Variants in RBFOX1 observed in about 807,000 individuals in gnomAD.
RBFOX1 encodes the protein RNA binding protein fox-1 homolog 1.
RBFOX1 carries 8 observed loss-of-function variants against 57.7 expected under a neutral mutation model. The ratio of observed to expected loss-of-function variants is 0.14; its 90% CI spans 0.08 to 0.25. The LOEUF (loss-of-function observed/expected upper bound fraction) is 0.25. Among genes scored for constraint, RBFOX1 ranks in the 10% least tolerant of loss-of-function variants. The probability of loss-of-function intolerance (pLI) is 1.00; values close to 1 mark genes in which losing one functional copy is unlikely to be tolerated. For missense variants in RBFOX1, 611 were observed against 548.5 expected (o/e 1.11, Z -1.14); for synonymous variants, 326 against 222.4 (o/e 1.47, Z -4.15).
In RBFOX1 at chr16:6,644,334, T is replaced by C. The variant is rs577579881; in HGVS notation, c.-63-10269T>C. 6.6e-5 allele frequency among the ~76,000 whole-genome samples: 10 copies of C among 152,370 alleles called. No homozygotes were observed. In the South Asian group the frequency reaches 1.4e-3, roughly 22 times the overall value. On this transcript the variant is annotated intron_variant, in intron 2 of 15. Coordinates refer to ENST00000550418, the MANE Select transcript of RBFOX1 (RefSeq NM_018723.4). ...GTCAAGATTTAAAATGCACCTTGAA[T>C]GCTTTTTGGAGTGTGATGTCAAAAA...
At chr16:6,528,964 A>T (rs1214649890) in intron 2 of RBFOX1, among the ~76,000 whole-genome samples, 1 of 152,140 alleles carries the variant, frequency 6.6e-6, no homozygotes, top group Non-Finnish European at 1.5e-5. Flanking sequence ...AACATTATCA[A>T]TTTCTATTTC....
intron 14 of RBFOX1, among the ~76,000 whole-genome samples, chr16:7,697,765 C>T (rs765129938): frequency 1.3e-5 from 2 of 152,136 alleles, no homozygotes; most frequent in Non-Finnish European, 2.9e-5. Flanking sequence ...CCTTCTCACT[C>T]CAGATGGAAT....
At chr16:6,595,467 A>C (rs575503475) in intron 2 of RBFOX1, among the ~76,000 whole-genome samples, 60 of 152,330 alleles carry the variant, frequency 3.9e-4, no homozygotes, top group African/African-American at 1.4e-3. Flanking sequence ...TGGTTGTCAA[A>C]CATTTGGATT....
chr16:6,187,167 A>C (rs941808643), intron 1 of RBFOX1, among the ~76,000 whole-genome samples: 1 of 152,120 alleles, frequency 6.6e-6, no homozygotes. Flanking sequence ...CCTATCATAC[A>C]AAGCCCTGAT....
intron 3 of RBFOX1, among the ~76,000 whole-genome samples, chr16:7,038,698 T>G (rs189378856): frequency 1.7e-4 from 26 of 152,204 alleles, no homozygotes; most frequent in Non-Finnish European, 3.4e-4. Context: ...AAAGCAGATG[T>G]GGGAGGCCGA....
chr16:5,909,331 A>G (rs2058555594), intron 4 of RBFOX1, among the ~76,000 whole-genome samples: 1 of 152,066 alleles, frequency 6.6e-6, no homozygotes, highest in Non-Finnish European at 1.5e-5. Flanking sequence ...GGACCTCATC[A>G]TCCGCATGCC....
At chr16:6,722,559 G>A (rs1315553650) in intron 3 of RBFOX1, among the ~76,000 whole-genome samples, 1 of 152,094 alleles carries the variant, frequency 6.6e-6, no homozygotes, top group Non-Finnish European at 1.5e-5. Flanking sequence ...TACCATGTTT[G>A]TGTGATATTA....
intron 1 of RBFOX1, among the ~76,000 whole-genome samples, chr16:5,332,835 G>C (rs2064791851): frequency 6.6e-6 from 1 of 151,866 alleles, no homozygotes; most frequent in Admixed American, 6.6e-5. Context: ...AAATAAACCA[G>C]CCCTATTATT....
intron 4 of RBFOX1, among the ~76,000 whole-genome samples, chr16:7,312,521 G>A (rs975590632): frequency 6.6e-6 from 1 of 152,152 alleles, no homozygotes; most frequent in African/African-American, 2.4e-5. Flanking sequence ...GCCTGCCAAG[G>A]ACACAGACAC....
intron 4 of RBFOX1, among the ~76,000 whole-genome samples, chr16:5,983,964 C>T (rs1416742860): frequency 2.1e-5 from 3 of 141,266 alleles, no homozygotes; most frequent in Non-Finnish European, 4.6e-5. Flanking sequence ...TCTTCTTCTT[C>T]CTTCTTCCTC....
chr16:7,361,677 C>G (rs1017900487), intron 4 of RBFOX1, among the ~76,000 whole-genome samples: 5 of 152,334 alleles, frequency 3.3e-5, no homozygotes, highest in Admixed American at 1.3e-4. Flanking sequence ...ATGGCTGAGC[C>G]ACGTTCCTGC....
chr16:7,072,521 C>T (rs2057534488), intron 4 of RBFOX1, among the ~76,000 whole-genome samples: 1 of 152,158 alleles, frequency 6.6e-6, no homozygotes, highest in Admixed American at 6.5e-5. Context: ...TACATGTTTG[C>T]AAATACCAGT....
intron 12 of RBFOX1, among the ~76,000 whole-genome samples, chr16:7,659,288 C>T (rs1427196201): frequency 3.9e-5 from 6 of 152,152 alleles, no homozygotes; most frequent in Non-Finnish European, 5.9e-5. Context: ...AATGTTTTCA[C>T]GTTAAGTCCT....
chr16:7,660,054 C>A (rs924223996), intron 12 of RBFOX1, among the ~76,000 whole-genome samples: 1 of 152,102 alleles, frequency 6.6e-6, no homozygotes, highest in Non-Finnish European at 1.5e-5. Flanking sequence ...CAGGGTAGAA[C>A]AATTGTAAAC....
intron 3 of RBFOX1, among the ~76,000 whole-genome samples, chr16:5,828,876 C>A (rs569710305): frequency 1.3e-5 from 2 of 152,204 alleles, no homozygotes; most frequent in Admixed American, 1.3e-4. Context: ...ACCATTACCC[C>A]CAAAGTGAGT....
chr16:5,927,736 T>G (rs1422531927), intron 4 of RBFOX1, among the ~76,000 whole-genome samples: 2 of 152,188 alleles, frequency 1.3e-5, no homozygotes, highest in Non-Finnish European at 2.9e-5. Flanking sequence ...AATAATGTGG[T>G]GTATATACAT....
At chr16:6,026,711 C>T (rs373425422) in intron 1 of RBFOX1, among the ~76,000 whole-genome samples, 1 of 152,254 alleles carries the variant, frequency 6.6e-6, no homozygotes, top group East Asian at 1.9e-4. Context: ...GATTTCTGCA[C>T]TGGTGCAATC....
intron 4 of RBFOX1, among the ~76,000 whole-genome samples, chr16:7,276,655 T>G (rs2153154366): frequency 6.6e-6 from 1 of 152,266 alleles, no homozygotes; most frequent in African/African-American, 2.4e-5. Flanking sequence ...CCTGGGCAGG[T>G]TACCTCTCCC....
intron 3 of RBFOX1, among the ~76,000 whole-genome samples, chr16:6,996,637 C>T (rs984569927): frequency 3.3e-5 from 5 of 152,116 alleles, no homozygotes; most frequent in Admixed American, 1.3e-4. Flanking sequence ...GACAGTGACG[C>T]ACAAAGAAGC....
Sources: gnomAD v4.1 joint callset for allele counts (sites outside exome capture counted in the v4.1 genomes callset) on GRCh38, gnomAD v4.1.1 for gene constraint, MANE v1.5 for transcripts, NCBI Gene and HGNC (gene_info 2026-07-23, HGNC 2026-07-21) for gene names.